PRR16: variants seen among roughly 807,000 people sequenced by gnomAD.
PRR16 encodes protein Largen.
PRR16 carries 6 observed loss-of-function variants against 18.2 expected under a neutral mutation model. That is an observed-to-expected ratio of 0.33 (90% CI 0.18 to 0.65). The LOEUF (loss-of-function observed/expected upper bound fraction) is 0.65, where lower values mean the gene tolerates loss of function less well. PRR16 is among the 30% of genes least tolerant of loss of function. The pLI is 0.74. For synonymous variants in PRR16, 151 were observed against 147.8 expected (o/e 1.02, Z -0.16); for missense variants, 412 against 376.6 (o/e 1.09, Z -0.78).
chr5:120,745,236 A>G, the PRR16 span, among the ~76,000 whole-genome samples: 1 of 152,016 alleles, frequency 6.6e-6, no homozygotes, highest in Non-Finnish European at 1.5e-5. Flanking sequence ...ATTCTTCTCT[A>G]TATTTGTTTG....
the PRR16 span, among the ~76,000 whole-genome samples, chr5:120,722,276 G>T: frequency 6.6e-6 from 1 of 151,868 alleles, no homozygotes; most frequent in Non-Finnish European, 1.5e-5. Context: ...GGTTGTGAGA[G>T]AAAAAGAAAA....
intron 1 of PRR16, among the ~76,000 whole-genome samples, chr5:120,556,408 A>G (rs996283563): frequency 2.6e-5 from 4 of 151,746 alleles, no homozygotes; most frequent in Non-Finnish European, 5.9e-5. Flanking sequence ...TACGTTGATA[A>G]TTTCCGTGAT....
At chr5:120,641,702 A>G (rs1755427805) in intron 1 of PRR16, among the ~76,000 whole-genome samples, 1 of 152,078 alleles carries the variant, frequency 6.6e-6, no homozygotes, top group African/African-American at 2.4e-5. Flanking sequence ...AGAGCAAGTA[A>G]AAGAAAATGC....
At chr5:120,763,022 A>C in the PRR16 span, among the ~76,000 whole-genome samples, 1 of 152,106 alleles carries the variant, frequency 6.6e-6, no homozygotes, top group Admixed American at 6.6e-5. Flanking sequence ...ACTAAAGATA[A>C]TGTACTTTCC....
chr5:120,780,625 T>A, the PRR16 span, among the ~76,000 whole-genome samples: 1 of 152,192 alleles, frequency 6.6e-6, no homozygotes, highest in Non-Finnish European at 1.5e-5. Flanking sequence ...AAATCCCAAA[T>A]TAAGTCTGAG....
chr5:120,544,370 G>T (rs925616597), intron 1 of PRR16, among the ~76,000 whole-genome samples: 2 of 152,110 alleles, frequency 1.3e-5, no homozygotes, highest in Admixed American at 1.3e-4. Context: ...TAAATATTCA[G>T]TATGCCGGAA....
At chr5:120,553,754 C>A (rs932615309) in intron 1 of PRR16, among the ~76,000 whole-genome samples, 1 of 151,804 alleles carries the variant, frequency 6.6e-6, no homozygotes, top group Non-Finnish European at 1.5e-5. Context: ...ACACCACAAT[C>A]AATTATCATG....
At chr5:120,558,634 C>T (rs757118456) in intron 1 of PRR16, among the ~76,000 whole-genome samples, 14 of 151,758 alleles carry the variant, frequency 9.2e-5, no homozygotes, top group Non-Finnish European at 1.6e-4. Context: ...CTCTTTGATA[C>T]GCTGATTTCC....
chr5:120,672,510 G>A (rs1756643952), intron 1 of PRR16, among the ~76,000 whole-genome samples: 1 of 141,928 alleles, frequency 7.0e-6, no homozygotes, highest in African/African-American at 2.6e-5. Flanking sequence ...ATTAATTAAA[G>A]GCTTTTAATA....
At chr5:120,580,100 A>G (rs559746802) in intron 1 of PRR16, among the ~76,000 whole-genome samples, 1 of 152,310 alleles carries the variant, frequency 6.6e-6, no homozygotes, top group African/African-American at 2.4e-5. Flanking sequence ...GAGACTGCTG[A>G]AGTTTCTTAT....
rs1000491688 is a variant in PRR16 at position 120,575,314 on chromosome 5, A to G, written c.160-110640A>G. 7.8e-5 allele frequency among the ~76,000 whole-genome samples: 5 copies of G among 63,958 alleles called. No individual in the cohort carries two copies. The South Asian group carries it at 1.8e-3, about 23-fold the overall frequency. The allele number at this position is 63,958 out of a possible 152,430, so 42.0% of individuals were successfully genotyped here. Reference sequence around the variant, plus strand: ...GTAACCTTGATTACAAAACCAGACAAGGAAACACACACACACACACACACA... The same window carrying G: ...GTAACCTTGATTACAAAACCAGACAGGGAAACACACACACACACACACACA... On this transcript the variant is annotated intron_variant, in intron 1 of 1. Transcript: ENST00000407149.
the PRR16 span, among the ~76,000 whole-genome samples, chr5:120,705,955 G>GA: frequency 6.6e-6 from 1 of 152,040 alleles, no homozygotes; most frequent in Non-Finnish European, 1.5e-5. Context: ...AGAAACCTTT[G>GA]AAAAAACATA....
chr5:120,677,603 A>G (rs1580871081), intron 1 of PRR16, among the ~76,000 whole-genome samples: 1 of 152,164 alleles, frequency 6.6e-6, no homozygotes, highest in Non-Finnish European at 1.5e-5. Flanking sequence ...AGGAATCTAT[A>G]AATCTTCTTG....
chr5:120,516,465 T>A (rs1044867057), intron 1 of PRR16, among the ~76,000 whole-genome samples: 1 of 143,968 alleles, frequency 6.9e-6, no homozygotes, highest in Non-Finnish European at 1.5e-5. Flanking sequence ...TCTTGTGATA[T>A]TATTTCTCAG....
chr5:120,472,634 G>A (rs1749305618), intron 1 of PRR16, among the ~76,000 whole-genome samples: 1 of 151,958 alleles, frequency 6.6e-6, no homozygotes, highest in South Asian at 2.1e-4. Flanking sequence ...TTTGAGGTTT[G>A]GCTCCATAAT....
chr5:120,754,197 T>G, the PRR16 span, among the ~76,000 whole-genome samples: 4 of 100,332 alleles, frequency 4.0e-5, no homozygotes, highest in East Asian at 7.8e-4. Context: ...TATATAATTA[T>G]ATATTATAAA....
At chr5:120,605,317 A>G (rs1754119811) in intron 1 of PRR16, among the ~76,000 whole-genome samples, 3 of 152,216 alleles carry the variant, frequency 2.0e-5, no homozygotes, top group Non-Finnish European at 4.4e-5. Flanking sequence ...TCAGCTTAGT[A>G]TATTAATGCT....
the PRR16 span, among the ~76,000 whole-genome samples, chr5:120,744,403 A>T: frequency 3.9e-5 from 6 of 152,050 alleles, no homozygotes; most frequent in Non-Finnish European, 7.4e-5. Flanking sequence ...TTGGAAGGGG[A>T]TTGGGGAAGG....
chr5:120,535,076 C>CATGTGT (rs1554081417), intron 1 of PRR16, among the ~76,000 whole-genome samples: 1 of 146,336 alleles, frequency 6.8e-6, no homozygotes, highest in Non-Finnish European at 1.5e-5. Flanking sequence ...TCACTTTACA[C>CATGTGT]GTGTGTGTGT....
Sources: allele counts gnomAD v4.1 joint callset (sites outside exome capture counted in the v4.1 genomes callset), GRCh38; gene constraint gnomAD v4.1.1; transcripts MANE v1.5; gene names NCBI Gene and HGNC (gene_info 2026-07-23, HGNC 2026-07-21).